The following NT5DC1 variants were observed in gnomAD, a reference collection of about 807,000 sequenced individuals.
The protein encoded by NT5DC1 is 5'-nucleotidase domain containing 1.
NT5DC1 carries 42 observed loss-of-function variants against 59.4 expected under a neutral mutation model. That is an observed-to-expected ratio of 0.71 (90% confidence interval 0.55 to 0.92). The LOEUF is 0.92. Among genes scored for constraint, NT5DC1 ranks in the 40% least tolerant of loss-of-function variants. The pLI is 0.00. For missense variants in NT5DC1, 501 were observed against 537.1 expected (o/e 0.93, Z 0.66); for synonymous variants, 172 against 188.1 (o/e 0.91, Z 0.70).
rs772503457 is a variant in NT5DC1 at position 116,249,326 on chromosome 6, T to C, written c.*5302T>C. ...GAAATTTTGGGCCATTTTTGTCAAA[T>C]TTTTGCTTAGATGGCTACAAATACT... On this transcript the variant is annotated 3_prime_UTR_variant, in exon 12 of 12. Coordinates refer to ENST00000319550, the MANE Select transcript of NT5DC1 (RefSeq NM_152729.3). The C allele has an allele frequency of 6.6e-6, 1 of 152,256 alleles. No homozygotes were observed. The highest frequency in any genetic ancestry group is 1.5e-5 in the Non-Finnish European group (1 of 68,042). 9.4% of individuals were successfully genotyped at this position (152,256 alleles called of 1,614,324 possible).
At chr6:116,121,987 C>T in intron 6 of NT5DC1, 2 of 1,589,826 alleles carry the variant, frequency 1.3e-6, no homozygotes, top group African/African-American at 1.3e-5. Context: ...AACACACCCA[C>T]CCATAGAAGG....
At chr6:116,108,066 T>C (rs1778801088) in intron 2 of NT5DC1, among the ~76,000 whole-genome samples, 1 of 152,206 alleles carries the variant, frequency 6.6e-6, no homozygotes, top group Non-Finnish European at 1.5e-5. Context: ...CATGGGATGA[T>C]GTTCAGGTTC....
chr6:116,162,545 T>C (rs752683567), intron 6 of NT5DC1, among the ~76,000 whole-genome samples: 1 of 152,234 alleles, frequency 6.6e-6, no homozygotes, highest in Non-Finnish European at 1.5e-5. Flanking sequence ...GTGATTTTTG[T>C]TTTTAATTCT....
In NT5DC1 at chr6:116,244,157, C is replaced by G; in HGVS notation, c.*133C>G. The G allele has an allele frequency of 1.1e-5, 5 of 462,746 alleles. No homozygotes were observed. The highest frequency in any genetic ancestry group is 2.0e-5 in the African/African-American group (1 of 49,836). The allele number at this position is 462,746 out of a possible 1,614,324, so 28.7% of individuals were successfully genotyped here. A position where few individuals can be genotyped will look rare whatever the true frequency, so the allele number is the denominator to read the frequency against. ...TAAGTTGATATTTGTCCATAGGTCTCCTTTCTATAAATCATCTTGATGTTT... is the reference window on the plus strand; with the variant it reads ...TAAGTTGATATTTGTCCATAGGTCTGCTTTCTATAAATCATCTTGATGTTT... On this transcript the variant is annotated 3_prime_UTR_variant, in exon 12 of 12. Coordinates refer to ENST00000319550, the MANE Select transcript of NT5DC1 (RefSeq NM_152729.3).
intron 6 of NT5DC1, among the ~76,000 whole-genome samples, chr6:116,217,237 T>G (rs1781703276): frequency 6.6e-6 from 1 of 152,208 alleles, no homozygotes. Context: ...CCATTTGATG[T>G]GCATATCAGA....
intron 6 of NT5DC1, among the ~76,000 whole-genome samples, chr6:116,215,124 G>A (rs1406336145): frequency 1.3e-5 from 2 of 152,086 alleles, no homozygotes; most frequent in African/African-American, 4.8e-5. Context: ...TCTGAACATT[G>A]TACTGATATT....
At chr6:116,192,438 A>G (rs979620810) in intron 6 of NT5DC1, among the ~76,000 whole-genome samples, 2 of 152,060 alleles carry the variant, frequency 1.3e-5, no homozygotes, top group Admixed American at 1.3e-4. Flanking sequence ...TTAAAAAGAG[A>G]AAATTAGTAC....
intron 6 of NT5DC1, among the ~76,000 whole-genome samples, chr6:116,201,332 T>G (rs1781342548): frequency 6.6e-6 from 1 of 152,070 alleles, no homozygotes; most frequent in East Asian, 1.9e-4. Flanking sequence ...TGAACAGTAT[T>G]GTTTATTCAT....
intron 6 of NT5DC1, chr6:116,121,932 G>C: frequency 1.2e-6 from 2 of 1,613,438 alleles, no homozygotes; most frequent in East Asian, 4.5e-5. Context: ...GGTGGACCAG[G>C]AGTACCTTGC....
chr6:116,214,285 CATAT>C (rs1186243265), intron 6 of NT5DC1, among the ~76,000 whole-genome samples: 5 of 152,000 alleles, frequency 3.3e-5, no homozygotes, highest in Non-Finnish European at 7.4e-5. Flanking sequence ...TCTTTATTCT[CATAT>C]ATATCCTTCT....
chr6:116,130,316 ATGTAT>A (rs1278315803), intron 6 of NT5DC1, among the ~76,000 whole-genome samples: 2 of 152,092 alleles, frequency 1.3e-5, no homozygotes, highest in Non-Finnish European at 2.9e-5. Context: ...TCAGTTTATA[ATGTAT>A]TGTATGTGTT....
chr6:116,121,653 G>A (rs1779131708), intron 6 of NT5DC1: 1 of 1,614,026 alleles, frequency 6.2e-7, no homozygotes, highest in Non-Finnish European at 8.5e-7. Context: ...GGTTTTCCTG[G>A]CACAGAAATT....
At chr6:116,209,758 G>T (rs1203270697) in intron 6 of NT5DC1, among the ~76,000 whole-genome samples, 1 of 151,864 alleles carries the variant, frequency 6.6e-6, no homozygotes, top group Non-Finnish European at 1.5e-5. Flanking sequence ...TATCAGTTCA[G>T]TGACAAAGAA....
chr6:116,120,747 G>A, intron 6 of NT5DC1: 2 of 1,599,150 alleles, frequency 1.3e-6, no homozygotes, highest in Middle Eastern at 1.8e-4. Context: ...GGAATGCCTG[G>A]TGGCCCAATA....
At chr6:116,151,204 A>C (rs1413741607) in intron 6 of NT5DC1, among the ~76,000 whole-genome samples, 1 of 152,088 alleles carries the variant, frequency 6.6e-6, no homozygotes, top group Non-Finnish European at 1.5e-5. Context: ...CTGCACCATC[A>C]CTTATAAAAT....
chr6:116,154,600 A>G (rs1780135616), intron 6 of NT5DC1, among the ~76,000 whole-genome samples: 1 of 152,224 alleles, frequency 6.6e-6, no homozygotes, highest in Admixed American at 6.5e-5. Context: ...TGGTGTTTAA[A>G]ACAGTTTGAA....
intron 8 of NT5DC1, among the ~76,000 whole-genome samples, chr6:116,234,044 G>A (rs949048530): frequency 3.2e-5 from 4 of 126,608 alleles, no homozygotes; most frequent in African/African-American, 6.0e-5. Flanking sequence ...GTCTGCAATC[G>A]CCACCTCCTG....
chr6:116,115,725 G>T lies in NT5DC1; in HGVS notation c.399G>T (p.Leu133=), dbSNP rs1450306735. The change falls in exon 5 of 12, where the codon CTG becomes CTT. Residue 133 remains leucine, a synonymous_variant. Coordinates refer to ENST00000319550, the MANE Select transcript of NT5DC1 (RefSeq NM_152729.3). The part of the protein sequence containing the change: ...KYYFYDNYFD[L]PGALLCARVV... ...ACTTTTACGACAACTACTTTGACCT[G>T]CCAGGAGCTCTTCTGTGTGCCAGGG... 1 of 1,605,602 alleles carries T rather than the reference G, an allele frequency of 6.2e-7. No homozygotes were observed. Among genetic ancestry groups the T allele is most frequent in the African/African-American group, 1.3e-5 (1 of 74,756 alleles).
chr6:116,214,167 A>G (rs1231435946), intron 6 of NT5DC1, among the ~76,000 whole-genome samples: 1 of 152,130 alleles, frequency 6.6e-6, no homozygotes, highest in African/African-American at 2.4e-5. Flanking sequence ...ATTTGACTCC[A>G]AAGTGTGTGC....
Sources: gnomAD v4.1 joint callset for allele counts (sites outside exome capture counted in the v4.1 genomes callset) on GRCh38, gnomAD v4.1.1 for gene constraint, MANE v1.5 for transcripts, NCBI Gene and HGNC (gene_info 2026-07-23, HGNC 2026-07-21) for gene names.